Variants in BYSL observed in about 807,000 individuals in gnomAD.
The protein encoded by BYSL is bystin.
In BYSL, 21 loss-of-function variants were observed where a neutral mutation model predicts 45.4. The ratio of observed to expected loss-of-function variants is 0.46; its 90% CI spans 0.33 to 0.67. BYSL has a LOEUF of 0.67. BYSL is among the 30% of genes least tolerant of loss of function. The probability of loss-of-function intolerance (pLI) is 0.02; values close to 1 mark genes in which losing one functional copy is unlikely to be tolerated. For synonymous variants in BYSL, 215 were observed against 231.3 expected, an observed-to-expected ratio of 0.93 and a Z score of 0.64; for missense variants, 522 against 578.5, an observed-to-expected ratio of 0.90 and a Z score of 1.00.
chr6:41,923,674 C>T (rs141928779), intron 1 of BYSL, among the ~76,000 whole-genome samples: 121 of 152,284 alleles, frequency 7.9e-4, no homozygotes, highest in South Asian at 7.0e-3. Flanking sequence ...GCTCAAACGA[C>T]CCTCCCTGCC....
the BYSL span, chr6:41,909,599 C>G: frequency 3.2e-6 from 5 of 1,566,112 alleles, no homozygotes; most frequent in Non-Finnish European, 2.6e-6. Flanking sequence ...TGACTCCCCC[C>G]GGAATGAGGC....
At chr6:41,910,349 GGGCT>G in the BYSL span, among the ~76,000 whole-genome samples, 1 of 152,160 alleles carries the variant, frequency 6.6e-6, no homozygotes, top group Non-Finnish European at 1.5e-5. Context: ...AAAGAAGGCA[GGGCT>G]GGGCACAGTG....
upstream of BYSL, chr6:41,917,700 C>T (rs139351750): frequency 1.6e-4 from 75 of 461,268 alleles, no homozygotes; most frequent in African/African-American, 1.4e-3. Context: ...TTCAATAATG[C>T]TGAGTCATAT....
intron 4 of BYSL, among the ~76,000 whole-genome samples, chr6:41,931,102 C>T (rs1775631730): frequency 1.2e-5 from 1 of 81,864 alleles, no homozygotes; most frequent in South Asian, 3.7e-4. Flanking sequence ...TCTGTGACTG[C>T]CCAGGCATGC....
At chr6:41,920,880 C>G (rs907192622), upstream of BYSL, 47 of 1,234,362 alleles carry the variant, frequency 3.8e-5, no homozygotes, top group Non-Finnish European at 5.0e-5. Context: ...GGACGGCATC[C>G]TCTCATCTAC....
At chr6:41,909,031 A>C in the BYSL span, 29 of 533,124 alleles carry the variant, frequency 5.4e-5, no homozygotes, top group South Asian at 8.7e-4. Context: ...AAAAAAAAAA[A>C]AAAATTTAAT....
chr6:41,927,520 A>G lies in BYSL; in HGVS notation c.415A>G (p.Lys139Glu). The change falls in exon 2 of 7, where the codon AAG becomes GAG. Residue 139 changes from lysine (K) to glutamate (E), a missense_variant. Transcript: ENST00000230340. ...GCGTGCCATAGAGATGTTCATGAAC[A>G]AGAACCCTCCTGCCAGGTAGGCCTG... ...DERAIEMFMN[K>E]NPPARRTLAD... The G allele has an allele frequency of 6.2e-7, 1 of 1,613,984 alleles. No individual in the cohort carries two copies. The highest frequency in any genetic ancestry group is 8.5e-7 in the Non-Finnish European group (1 of 1,179,894).
At chr6:41,921,457 T>C, upstream of BYSL, 1 of 1,432,366 alleles carries the variant, frequency 7.0e-7, no homozygotes, top group Non-Finnish European at 9.3e-7. Context: ...GGGGGCGCTG[T>C]GATCGCCGGG....
intron 2 of BYSL, 191 bp downstream of exon 2, chr6:41,927,727 A>G (rs1775583551): frequency 3.2e-6 from 2 of 620,304 alleles, no homozygotes; most frequent in African/African-American, 1.9e-5. Flanking sequence ...CTCAAAAAAC[A>G]TTGTGTCCTT....
rs368935062 is a variant in BYSL at position 41,921,636 on chromosome 6, C to G, written c.74C>G (p.Ala25Gly). Residue 25 changes from alanine (A) to glycine (G), a missense_variant, in exon 1 of 7, where the codon GCT (alanine) becomes GGT (glycine). By Grantham distance (60) the Ala-to-Gly change is moderately conservative (BLOSUM62 0). Transcript: ENST00000230340. The part of the protein sequence containing the change: ...KHAPLADQIL[A>G]GNAVRAGVRE... ...GCGCCCCTGGCCGATCAGATCCTGG[C>G]TGGGAATGCGGTGCGGGCGGGGGTC... 42 of 1,613,268 alleles carry G rather than the reference C, an allele frequency of 2.6e-5. No homozygotes were observed. The highest frequency in any genetic ancestry group is 3.4e-5 in the Non-Finnish European group (40 of 1,179,740).
Position 41,932,964 on chromosome 6 carries a change from A to C in BYSL, c.*258A>C. 4.1e-6 allele frequency: 2 copies of C among 483,888 alleles called. No individual in the cohort carries two copies. The highest frequency in any genetic ancestry group is 7.4e-6 in the Non-Finnish European group (2 of 269,158). The allele number at this position is 483,888 out of a possible 1,614,324, so 30.0% of individuals were successfully genotyped here. ...CCATATGCTAGCATTCCCAGTCCCC[A>C]GCTGGGGCTTGGTGTGAGTACTTTT... On this transcript the variant is annotated 3_prime_UTR_variant, in exon 7 of 7. Coordinates refer to ENST00000230340, the MANE Select transcript of BYSL (RefSeq NM_004053.4). This position sits in a 1 kb window ranked among gnomAD's most constrained non-coding sequence, Gnocchi z 4.7.
intron 2 of BYSL, among the ~76,000 whole-genome samples, chr6:41,929,786 CAG>C (rs1261848722): frequency 2.0e-5 from 3 of 152,164 alleles, no homozygotes; most frequent in African/African-American, 4.8e-5. Context: ...AATGAGGAAA[CAG>C]AGGCATAGAG....
rs1048420164 is a variant in BYSL at position 41,921,534 on chromosome 6, G to T, written c.-29G>T. On this transcript the variant is annotated 5_prime_UTR_variant, in exon 1 of 7. Transcript: ENST00000230340. Reference sequence around the variant, plus strand: ...TGGCCTTTCTTCAGTCCCCACGTGCGATCCTTCCCGGCAACTTTTTCGAGA... The same window carrying T: ...TGGCCTTTCTTCAGTCCCCACGTGCTATCCTTCCCGGCAACTTTTTCGAGA... 2 of 1,548,306 alleles carry T rather than the reference G, an allele frequency of 1.3e-6. No individual in the cohort carries two copies. Among genetic ancestry groups the T allele is most frequent in the Non-Finnish European group, 1.7e-6 (2 of 1,145,744 alleles).
chr6:41,931,137 G>A (rs1775632886), intron 4 of BYSL, among the ~76,000 whole-genome samples: 1 of 80,866 alleles, frequency 1.2e-5, no homozygotes, highest in Non-Finnish European at 2.6e-5. Flanking sequence ...CTGATGCTGA[G>A]TAGCCATCAG....
chr6:41,909,479 G>A, the BYSL span: 2 of 1,614,234 alleles, frequency 1.2e-6, no homozygotes, highest in Non-Finnish European at 1.7e-6. Flanking sequence ...AGCTCAATGG[G>A]TACTCTGAGT....
intron 5 of BYSL, 53 bp downstream of exon 5, chr6:41,931,609 A>G (rs1775640897): frequency 1.2e-6 from 2 of 1,612,876 alleles, no homozygotes; most frequent in African/African-American, 2.7e-5. Context: ...TCTATGGGGA[A>G]CACAGCAGGC....
chr6:41,908,989 C>T, the BYSL span: 6 of 464,458 alleles, frequency 1.3e-5, no homozygotes, highest in South Asian at 2.7e-4. Flanking sequence ...CTGAGATCAG[C>T]CTGGGCAACA....
chr6:41,915,886 C>T, the BYSL span, among the ~76,000 whole-genome samples: 2,519 of 152,170 alleles, frequency 0.017, 53 homozygotes, highest in African/African-American at 0.05. Context: ...TAGGTGTATG[C>T]ATATATCCAA....
At chr6:41,916,965 A>C, upstream of BYSL, 1 of 1,612,854 alleles carries the variant, frequency 6.2e-7, no homozygotes, top group African/African-American at 1.3e-5. Context: ...CCAAATCGTC[A>C]GTTATCCAGA....
Sources: gnomAD v4.1 joint callset for allele counts (sites outside exome capture counted in the v4.1 genomes callset) on GRCh38, gnomAD v4.1.1 for gene constraint, Gnocchi (gnomAD v3.1) non-coding constraint, MANE v1.5 for transcripts, NCBI Gene and HGNC (gene_info 2026-07-23, HGNC 2026-07-21) for gene names.